The following CTNND2 variants were observed in gnomAD, a reference collection of about 807,000 sequenced individuals.
The protein encoded by CTNND2 is catenin delta 2.
Under a neutral mutation model 144.4 loss-of-function variants are expected in CTNND2, and 22 were observed. The observed-to-expected ratio is 0.15, with a 90% CI of 0.11 to 0.22. CTNND2 has a LOEUF of 0.22. Among genes scored for constraint, CTNND2 ranks in the 10% least tolerant of loss-of-function variants. CTNND2 has a pLI of 1.00. For synonymous variants in CTNND2, 751 were observed against 695.6 expected (o/e 1.08, Z -1.25); for missense variants, 1,353 against 1,618.8 (o/e 0.84, Z 2.82).
In CTNND2 at chr5:11,626,915, T is replaced by C. The variant is rs529221656; in HGVS notation, c.175-61859A>G. ...TGTGCCAAATTGTTCTTATTTCTTC[T>C]TTTTTTGGTGTGCTGGAGGCTCTCT... is the stretch of plus-strand genomic sequence containing the variant. On this transcript the variant is annotated intron_variant, in intron 2 of 21. Transcript: ENST00000304623. 4.6e-5 allele frequency among the ~76,000 whole-genome samples: 7 copies of C among 152,308 alleles called. No homozygotes were observed. The South Asian group carries it at 1.2e-3, about 27-fold the overall frequency.
chr5:11,702,551 C>CT (rs1252175117), intron 2 of CTNND2, among the ~76,000 whole-genome samples: 1 of 152,184 alleles, frequency 6.6e-6, no homozygotes, highest in Non-Finnish European at 1.5e-5. Context: ...TCCAGAATTA[C>CT]TACTGTCCCT....
intron 10 of CTNND2, among the ~76,000 whole-genome samples, chr5:11,235,929 G>A (rs951311629): frequency 2.0e-4 from 30 of 151,960 alleles, no homozygotes; most frequent in African/African-American, 6.8e-4. Context: ...TTGCTTACAC[G>A]CCATAAAGAT....
At chr5:11,166,090 T>C (rs1759296255) in intron 11 of CTNND2, among the ~76,000 whole-genome samples, 1 of 152,160 alleles carries the variant, frequency 6.6e-6, no homozygotes, top group Non-Finnish European at 1.5e-5. Flanking sequence ...AATAAATGTT[T>C]ATAAAAATGT....
At chr5:11,290,622 GC>G (rs545113328) in intron 9 of CTNND2, among the ~76,000 whole-genome samples, 20 of 152,248 alleles carry the variant, frequency 1.3e-4, no homozygotes, top group African/African-American at 4.6e-4. Flanking sequence ...TTCAGAGAGA[GC>G]TTTTAAAAAG....
chr5:11,156,093 G>A (rs10513078), intron 12 of CTNND2, among the ~76,000 whole-genome samples: 4,468 of 152,240 alleles, frequency 0.029, 157 homozygotes, highest in East Asian at 0.09. Flanking sequence ...ACTGCCTAGA[G>A]GAAAGCTTGA....
At chr5:11,888,304 G>A (rs1372821744) in intron 1 of CTNND2, among the ~76,000 whole-genome samples, 1 of 152,186 alleles carries the variant, frequency 6.6e-6, no homozygotes, top group Non-Finnish European at 1.5e-5. Context: ...CCCAGGAAAG[G>A]TAGAATGGTT....
chr5:11,182,116 GGT>G (rs374393370), intron 11 of CTNND2, among the ~76,000 whole-genome samples: 6,587 of 138,594 alleles, frequency 0.048, 230 homozygotes, highest in East Asian at 0.11. Context: ...GTGTGTGTGT[GGT>G]GTGTGTGTGG....
At chr5:11,765,322 G>A (rs1034056591) in intron 1 of CTNND2, among the ~76,000 whole-genome samples, 2 of 152,224 alleles carry the variant, frequency 1.3e-5, no homozygotes, top group Non-Finnish European at 2.9e-5. Flanking sequence ...CAGGGGGAAG[G>A]TGGAGAAGGG....
intron 3 of CTNND2, among the ~76,000 whole-genome samples, chr5:11,534,877 A>G (rs1336833062): frequency 6.6e-6 from 1 of 152,156 alleles, no homozygotes; most frequent in Non-Finnish European, 1.5e-5. Flanking sequence ...GAACTTGGAC[A>G]AGGATTAAAC....
At chr5:11,721,679 G>A (rs971644315) in intron 2 of CTNND2, among the ~76,000 whole-genome samples, 3 of 152,222 alleles carry the variant, frequency 2.0e-5, no homozygotes, top group African/African-American at 7.2e-5. Flanking sequence ...CATCAGCCAG[G>A]AGTTCAGATG....
chr5:11,697,962 T>C (rs1581737884), intron 2 of CTNND2, among the ~76,000 whole-genome samples: 1 of 152,168 alleles, frequency 6.6e-6, no homozygotes, highest in South Asian at 2.1e-4. Flanking sequence ...GCCTAGAACC[T>C]GGGAAGCCAC....
intron 18 of CTNND2, among the ~76,000 whole-genome samples, chr5:11,007,746 C>G (rs1740638468): frequency 6.6e-6 from 1 of 152,148 alleles, no homozygotes; most frequent in Non-Finnish European, 1.5e-5. Flanking sequence ...TGGGATCTCC[C>G]AAGAATGTGG....
At chr5:11,035,754 A>G (rs1391049252) in intron 16 of CTNND2, among the ~76,000 whole-genome samples, 1 of 152,250 alleles carries the variant, frequency 6.6e-6, no homozygotes, top group East Asian at 1.9e-4. Context: ...GTTAATATGT[A>G]AAATTAAGAC....
chr5:11,198,236 A>C (rs1166306083), intron 11 of CTNND2, among the ~76,000 whole-genome samples: 1 of 152,242 alleles, frequency 6.6e-6, no homozygotes, highest in East Asian at 1.9e-4. Flanking sequence ...TCCCCACATT[A>C]GTTTGGTGTG....
chr5:11,285,696 G>A (rs1374133662), intron 9 of CTNND2, among the ~76,000 whole-genome samples: 8 of 152,058 alleles, frequency 5.3e-5, no homozygotes, highest in South Asian at 4.2e-4. Flanking sequence ...CTGAGATACC[G>A]CTCCTTCCTT....
intron 11 of CTNND2, among the ~76,000 whole-genome samples, chr5:11,160,429 T>A (rs916440002): frequency 3.9e-5 from 6 of 152,220 alleles, no homozygotes; most frequent in Admixed American, 2.0e-4. Context: ...TCACAGTAAT[T>A]CATGCAGGCA....
intron 3 of CTNND2, among the ~76,000 whole-genome samples, chr5:11,439,093 G>A (rs923891544): frequency 2.0e-5 from 3 of 152,062 alleles, no homozygotes; most frequent in Non-Finnish European, 4.4e-5. Flanking sequence ...CTGGCAGAGA[G>A]GGCAGGAAGC....
chr5:10,975,082 G>A (rs1438515989), intron 21 of CTNND2, among the ~76,000 whole-genome samples: 1 of 152,162 alleles, frequency 6.6e-6, no homozygotes, highest in Non-Finnish European at 1.5e-5. Context: ...AGCTAACAAA[G>A]GATGAGAGGA....
chr5:11,369,093 A>AT (rs1418670211), intron 7 of CTNND2, among the ~76,000 whole-genome samples: 2 of 152,188 alleles, frequency 1.3e-5, no homozygotes, highest in Non-Finnish European at 2.9e-5. Context: ...AATAACAACC[A>AT]TTTTTCTGAT....
Sources: gnomAD v4.1 joint callset for allele counts (sites outside exome capture counted in the v4.1 genomes callset) on GRCh38, gnomAD v4.1.1 for gene constraint, MANE v1.5 for transcripts, NCBI Gene and HGNC (gene_info 2026-07-23, HGNC 2026-07-21) for gene names.